The following CNTN5 variants were observed in gnomAD, a reference collection of about 807,000 sequenced individuals.
CNTN5 encodes the protein contactin-5.
Under a neutral mutation model 129.1 loss-of-function variants are expected in CNTN5, and 77 were observed. The ratio of observed to expected loss-of-function variants is 0.60; its 90% CI spans 0.50 to 0.72. CNTN5 has a LOEUF of 0.72. Ranked by LOEUF, CNTN5 falls within the 30% of genes least tolerant of loss-of-function variation. The probability of loss-of-function intolerance (pLI) is 0.00; values close to 1 mark genes in which losing one functional copy is unlikely to be tolerated. For synonymous variants in CNTN5, 509 were observed against 465.6 expected (o/e 1.09, Z -1.20); for missense variants, 1,478 against 1,328.8 (o/e 1.11, Z -1.75).
intron 1 of CNTN5, among the ~76,000 whole-genome samples, chr11:99,299,990 G>A (rs1241344244): frequency 6.6e-6 from 1 of 152,044 alleles, no homozygotes; most frequent in East Asian, 1.9e-4. Context: ...CATAGAAGTT[G>A]TACTAATTTA....
intron 3 of CNTN5, among the ~76,000 whole-genome samples, chr11:99,753,697 T>C (rs1436767203): frequency 6.7e-6 from 1 of 148,574 alleles, no homozygotes; most frequent in Non-Finnish European, 1.5e-5. Context: ...CTTCCTTTTT[T>C]TTTTTTTTTG....
chr11:99,230,534 C>T (rs530476371), intron 1 of CNTN5, among the ~76,000 whole-genome samples: 76 of 152,288 alleles, frequency 5.0e-4, no homozygotes, highest in African/African-American at 1.7e-3. Flanking sequence ...AGCAGAGCAA[C>T]ACCTCAGTGA....
At chr11:99,926,703 G>A (rs776703661) in intron 7 of CNTN5, among the ~76,000 whole-genome samples, 1 of 151,858 alleles carries the variant, frequency 6.6e-6, no homozygotes, top group African/African-American at 2.4e-5. Context: ...AAATATTTAA[G>A]GATTTCCACA....
intron 1 of CNTN5, among the ~76,000 whole-genome samples, chr11:99,139,040 A>G (rs962604733): frequency 6.6e-6 from 1 of 151,974 alleles, no homozygotes; most frequent in Admixed American, 6.6e-5. Flanking sequence ...CAGGAGTTCA[A>G]GACCAACCTG....
intron 2 of CNTN5, among the ~76,000 whole-genome samples, chr11:99,462,272 A>G (rs1243864715): frequency 1.3e-5 from 2 of 152,046 alleles, no homozygotes; most frequent in African/African-American, 4.8e-5. Context: ...TTATTCAGGG[A>G]GAAAGAGAAA....
intron 3 of CNTN5, among the ~76,000 whole-genome samples, chr11:99,724,169 G>A (rs1943262928): frequency 6.6e-6 from 1 of 152,084 alleles, no homozygotes; most frequent in African/African-American, 2.4e-5. Context: ...CCTGGAGCAT[G>A]TTCCGTCTTA....
At chr11:99,899,610 T>C (rs750502739) in intron 6 of CNTN5, among the ~76,000 whole-genome samples, 4 of 152,082 alleles carry the variant, frequency 2.6e-5, no homozygotes, top group Admixed American at 6.6e-5. Context: ...TATGATGTAT[T>C]GTTGGATTCA....
At chr11:100,120,085 T>C (rs547820682) in intron 13 of CNTN5, among the ~76,000 whole-genome samples, 16 of 64,036 alleles carry the variant, frequency 2.5e-4, no homozygotes, top group African/African-American at 1.7e-3. Context: ...TTAATGATTG[T>C]ATAATATCTC....
At chr11:99,943,937 C>T (rs548006294) in intron 7 of CNTN5, among the ~76,000 whole-genome samples, 1 of 152,158 alleles carries the variant, frequency 6.6e-6, no homozygotes, top group Admixed American at 6.6e-5. Context: ...GTTACTGTAG[C>T]CTTGTAGCAT....
At chr11:100,085,648 A>G (rs1944522725) in intron 13 of CNTN5, among the ~76,000 whole-genome samples, 1 of 152,072 alleles carries the variant, frequency 6.6e-6, no homozygotes. Flanking sequence ...GTATTTTTAT[A>G]TTGCATTACT....
chr11:99,838,397 T>G (rs1198491749), intron 4 of CNTN5, among the ~76,000 whole-genome samples: 2 of 152,212 alleles, frequency 1.3e-5, no homozygotes, highest in Non-Finnish European at 2.9e-5. Flanking sequence ...TTTTTTGTTT[T>G]TTCATCTTTT....
chr11:99,433,339 A>T (rs1036965690), intron 2 of CNTN5, among the ~76,000 whole-genome samples: 1 of 120,918 alleles, frequency 8.3e-6, no homozygotes. Context: ...TGTAATCATA[A>T]TTTTCCTTGT....
At chr11:100,063,444 A>G (rs1416682614) in intron 10 of CNTN5, among the ~76,000 whole-genome samples, 1 of 151,980 alleles carries the variant, frequency 6.6e-6, no homozygotes, top group Non-Finnish European at 1.5e-5. Context: ...TACTTGGCAT[A>G]TATTTGTGAC....
At chr11:99,448,464 A>G (rs560497974) in intron 2 of CNTN5, among the ~76,000 whole-genome samples, 32 of 152,260 alleles carry the variant, frequency 2.1e-4, no homozygotes, top group Middle Eastern at 6.8e-3. Flanking sequence ...TAATAAAATA[A>G]ATAGAAACCA....
intron 7 of CNTN5, among the ~76,000 whole-genome samples, chr11:99,929,286 C>A (rs912805711): frequency 1.3e-5 from 2 of 152,158 alleles, no homozygotes; most frequent in Non-Finnish European, 2.9e-5. Context: ...GTCTCTAGGA[C>A]ATTCCAAACA....
intron 1 of CNTN5, among the ~76,000 whole-genome samples, chr11:99,155,308 C>T (rs1401070040): frequency 1.3e-5 from 2 of 152,200 alleles, no homozygotes; most frequent in African/African-American, 4.8e-5. Context: ...GTTTCACTTT[C>T]AGTCTTATCA....
chr11:100,151,856 CT>C (rs1339055155), intron 13 of CNTN5, among the ~76,000 whole-genome samples: 1 of 152,180 alleles, frequency 6.6e-6, no homozygotes, highest in Non-Finnish European at 1.5e-5. Flanking sequence ...TGCCTCTTAG[CT>C]TCCTGTGTAT....
chr11:99,281,065 C>A (rs1014716176), intron 1 of CNTN5, among the ~76,000 whole-genome samples: 9 of 151,380 alleles, frequency 5.9e-5, no homozygotes, highest in South Asian at 2.1e-4. Flanking sequence ...ATTACTAAAC[C>A]TGAAGATAAA....
At chr11:100,283,956 A>G (rs1038942366) in intron 18 of CNTN5, among the ~76,000 whole-genome samples, 3 of 152,150 alleles carry the variant, frequency 2.0e-5, no homozygotes, top group Non-Finnish European at 4.4e-5. Context: ...AAAAAAATAA[A>G]AAATTTAAAT....
Sources: gnomAD v4.1 joint callset for allele counts (sites outside exome capture counted in the v4.1 genomes callset) on GRCh38, gnomAD v4.1.1 for gene constraint, MANE v1.5 for transcripts, NCBI Gene and HGNC (gene_info 2026-07-23, HGNC 2026-07-21) for gene names.